The following PDE1B variants were observed in gnomAD, a reference collection of about 807,000 sequenced individuals.
PDE1B encodes the protein phosphodiesterase 1B.
Under a neutral mutation model 66.7 loss-of-function variants are expected in PDE1B, and 13 were observed. The ratio of observed to expected loss-of-function variants is 0.19; its 90% CI spans 0.13 to 0.31. PDE1B has a LOEUF of 0.31. PDE1B is among the 10% of genes least tolerant of loss of function. The pLI is 1.00. For synonymous variants in PDE1B, 230 were observed against 253.9 expected (o/e 0.91, Z 0.90); for missense variants, 485 against 682.3 (o/e 0.71, Z 3.22).
chr12:54,576,675 A>G lies in PDE1B; in HGVS notation c.1481A>G (p.Gln494Arg). ...TWVKRIQENK[Q>R]KWKERAASGI... ...GTCAAGCGCATTCAGGAGAATAAGC[A>G]GAAATGGAAGGAACGGGCAGCAAGT... The change falls in exon 14 of 16, where the codon CAG becomes CGG. Residue 494 changes from glutamine (Q) to arginine (R), a missense_variant. Around this residue, in one of 4 missense-constraint regions of PDE1B, gnomAD observed 126 missense variants for 133.8 expected, o/e 0.94. Transcript: ENST00000243052. 1 of 1,612,318 alleles carries G rather than the reference A, an allele frequency of 6.2e-7. No individual in the cohort carries two copies. Among genetic ancestry groups the G allele is most frequent in the Non-Finnish European group, 8.5e-7 (1 of 1,179,196 alleles).
chr12:54,572,538 T>C lies in PDE1B; in HGVS notation c.595-63T>C, dbSNP rs1451512501. 2.2e-5 allele frequency: 33 copies of C among 1,496,198 alleles called. 1 individual carries two copies. In the East Asian group the frequency reaches 7.5e-4, roughly 34 times the overall value. The allele number at this position is 1,496,198 out of a possible 1,614,324, so 92.7% of individuals were successfully genotyped here. A position where few individuals can be genotyped will look rare whatever the true frequency, so the allele number is the denominator to read the frequency against. On this transcript the variant is annotated intron_variant, in intron 6 of 15. Coordinates refer to ENST00000243052, the MANE Select transcript of PDE1B (RefSeq NM_000924.4). ...TTCTAAAGAAAGTTGTTGATCTCGG[T>C]CCGTAATCACCACCATTCCTGTGGA...
At chr12:54,560,455 C>T (rs1450180589) in intron 2 of PDE1B, among the ~76,000 whole-genome samples, 1 of 152,180 alleles carries the variant, frequency 6.6e-6, no homozygotes, top group Non-Finnish European at 1.5e-5. Context: ...TAAGAGATTG[C>T]AGATCCCTGA....
chr12:54,578,134 G>C lies in PDE1B; in HGVS notation c.*292G>C, dbSNP rs1957798222. On this transcript the variant is annotated 3_prime_UTR_variant, in exon 16 of 16. Transcript: ENST00000243052. ...TCTCTTCATGGCCAGGTGGCTGCCA[G>C]GGAGCGGGGAGCTTCCTGGAGGCTT... is the stretch of plus-strand genomic sequence containing the variant. 6.6e-6 allele frequency: 1 copy of C among 152,256 alleles called. No individual in the cohort carries two copies. The highest frequency in any genetic ancestry group is 1.5e-5 in the Non-Finnish European group (1 of 68,066). The allele number at this position is 152,256 out of a possible 1,614,324, so 9.4% of individuals were successfully genotyped here.
At position 54,576,043 on chromosome 12, in the gene PDE1B, C is replaced by T. The variant is rs752538299; in HGVS notation, c.1319C>T (p.Ala440Val). The change falls in exon 13 of 16, where the codon GCA becomes GTA. Residue 440 changes from alanine (A) to valine (V), a missense_variant. Physicochemically the swap from Ala to Val is moderately conservative, Grantham distance 64. Transcript: ENST00000243052. ...ACATTCTCTGTGCTGACTGACGTGGCAGAGAAGAGTGTTCAGCCCCTGGCG... is the reference window on the plus strand; with the variant it reads ...ACATTCTCTGTGCTGACTGACGTGGTAGAGAAGAGTGTTCAGCCCCTGGCG... ...EPTFSVLTDV[A>V]EKSVQPLADE... The T allele has an allele frequency of 1.9e-6, 3 of 1,614,092 alleles. No individual in the cohort carries two copies. Among genetic ancestry groups the T allele is most frequent in the South Asian group, 1.1e-5 (1 of 91,084 alleles).
At position 54,570,339 on chromosome 12, in the gene PDE1B, C is replaced by A; in HGVS notation, c.576C>A (p.Asn192Lys). The A allele has an allele frequency of 6.2e-7, 1 of 1,607,220 alleles. No individual in the cohort carries two copies. The highest frequency in any genetic ancestry group is 8.5e-7 in the Non-Finnish European group (1 of 1,173,778). Residue 192 changes from asparagine to lysine, a missense_variant, in exon 6 of 16, where the codon AAC becomes AAA. By Grantham distance (94) the Asn-to-Lys change is moderately conservative. Transcript: ENST00000243052. ...TTTTTGAGTTGCTGACTCGGCATAA[C>A]CTCATCAGCCGCTTCAAGGTTGGGC... is the stretch of plus-strand genomic sequence containing the variant. ...TIVFELLTRH[N>K]LISRFKIPTV...
chr12:54,573,326 G>A lies in PDE1B; in HGVS notation c.837-29G>A, dbSNP rs755685500. 2 of 1,614,122 alleles carry A rather than the reference G, an allele frequency of 1.2e-6. No homozygotes were observed. The highest frequency in any genetic ancestry group is 1.3e-5 in the African/African-American group (1 of 75,028). ...GTTGCCGGAGTCCCTCCTTACAGGG[G>A]GTGGTCATGATGACCTTTGGCTTTG... is the stretch of plus-strand genomic sequence containing the variant. On this transcript the variant is annotated intron_variant, in intron 8 of 15. Transcript: ENST00000243052. The surrounding 1 kb of genome is among the most constrained non-coding windows in gnomAD (Gnocchi z 5.2).
intron 2 of PDE1B, chr12:54,554,079 C>T (rs1957312974): frequency 6.6e-6 from 1 of 152,118 alleles, no homozygotes; most frequent in South Asian, 2.1e-4. Context: ...TGGGATAATA[C>T]CTATGTGTGA....
chr12:54,575,470 CCCA>C lies in PDE1B; in HGVS notation c.1186-76_1186-74del. 1.0e-6 allele frequency: 1 copy of C among 988,330 alleles called. No individual in the cohort carries two copies. The highest frequency in any genetic ancestry group is 1.3e-5 in the South Asian group (1 of 78,232). The allele number at this position is 988,330 out of a possible 1,614,324, so 61.2% of individuals were successfully genotyped here. A position where few individuals can be genotyped will look rare whatever the true frequency, so the allele number is the denominator to read the frequency against. On this transcript the variant is annotated intron_variant, in intron 11 of 15. Transcript: ENST00000243052. The surrounding 1 kb of genome is among the most constrained non-coding windows in gnomAD (Gnocchi z 4.0). The stretch of plus-strand genomic sequence containing the variant: ...AAATTTCACACAACAACCCCCCACC[CCCA>C]CCACTTGCCACCTGTACCCCAGATC...
chr12:54,575,495 G>T lies in PDE1B; in HGVS notation c.1186-56G>T. On this transcript the variant is annotated intron_variant, in intron 11 of 15. Transcript: ENST00000243052. This position sits in a 1 kb window ranked among gnomAD's most constrained non-coding sequence, Gnocchi z 4.0. ...CCCACCACTTGCCACCTGTACCCCA[G>T]ATCTGGTAGGTCTGAGGTATCCTCT... is the stretch of plus-strand genomic sequence containing the variant. The T allele has an allele frequency of 3.1e-6, 4 of 1,274,368 alleles. No individual in the cohort carries two copies. The highest frequency in any genetic ancestry group is 4.6e-6 in the Non-Finnish European group (4 of 871,524). 78.9% of individuals were successfully genotyped at this position (1,274,368 alleles called of 1,614,324 possible).
At chr12:54,566,401 A>G (rs550223957) in intron 2 of PDE1B, among the ~76,000 whole-genome samples, 16 of 152,352 alleles carry the variant, frequency 1.1e-4, no homozygotes, top group African/African-American at 3.8e-4. Flanking sequence ...GAGAGAGGCC[A>G]GGCGAAAGCA....
In PDE1B at chr12:54,572,716, G is replaced by C; in HGVS notation, c.710G>C (p.Cys237Ser). 1 of 1,614,160 alleles carries C rather than the reference G, an allele frequency of 6.2e-7. No individual in the cohort carries two copies. Among genetic ancestry groups the C allele is most frequent in the Non-Finnish European group, 8.5e-7 (1 of 1,180,012 alleles). The change falls in exon 7 of 16, where the codon TGC (cysteine) becomes TCC (serine). Residue 237 changes from cysteine (C) to serine (S), a missense_variant. By Grantham distance (112) the Cys-to-Ser change is moderately radical. Around this residue, in one of 4 missense-constraint regions of PDE1B, gnomAD observed 282 missense variants for 453.4 expected, o/e 0.62. Transcript: ENST00000243052. ...GCCGATGTTACCCAGACAGTCCATT[G>C]CTTCTTGCTCCGCACAGGGATGGTG... ...HAADVTQTVH[C>S]FLLRTGMVHC... is the part of the protein sequence containing the mutation.
At chr12:54,560,223 G>T (rs774057871) in intron 2 of PDE1B, among the ~76,000 whole-genome samples, 2 of 152,142 alleles carry the variant, frequency 1.3e-5, no homozygotes, top group African/African-American at 2.4e-5. Context: ...GAAACAGCAG[G>T]TTCCCAAACT....
Position 54,572,750 on chromosome 12 carries a change from C to T in PDE1B, c.735+9C>T, listed in dbSNP as rs895734298. On this transcript the variant is annotated intron_variant, in intron 7 of 15. Transcript: ENST00000243052. Reference sequence around the variant, plus strand: ...TCCGCACAGGGATGGTGGTAGGTGCCCTGGAGATGATTCTTCTGTGATTCA... The same window carrying T: ...TCCGCACAGGGATGGTGGTAGGTGCTCTGGAGATGATTCTTCTGTGATTCA... 6.2e-7 allele frequency: 1 copy of T among 1,613,230 alleles called. No individual in the cohort carries two copies. The highest frequency in any genetic ancestry group is 8.5e-7 in the Non-Finnish European group (1 of 1,179,288).
intron 3 of PDE1B, among the ~76,000 whole-genome samples, chr12:54,568,666 G>A (rs1460993568): frequency 1.3e-5 from 2 of 151,996 alleles, no homozygotes; most frequent in Non-Finnish European, 2.9e-5. Flanking sequence ...CGTGGTGGTA[G>A]GCACCTGTAA....
At chr12:54,567,911 C>T (rs990269951) in intron 3 of PDE1B, among the ~76,000 whole-genome samples, 1 of 151,874 alleles carries the variant, frequency 6.6e-6, no homozygotes, top group Non-Finnish European at 1.5e-5. Flanking sequence ...GGCTGAAGGG[C>T]AATGGTGTGA....
At position 54,573,956 on chromosome 12, in the gene PDE1B, T is replaced by C. The variant is rs1267559264; in HGVS notation, c.1064+247T>C. ...CCTTGGCAGCTGATCCACTGGAGAGTGCTTTGGGCTGGGAATCTAAGATGG... is the reference window on the plus strand; with the variant it reads ...CCTTGGCAGCTGATCCACTGGAGAGCGCTTTGGGCTGGGAATCTAAGATGG... On this transcript the variant is annotated intron_variant, in intron 10 of 15. Transcript: ENST00000243052. This position sits in a 1 kb window ranked among gnomAD's most constrained non-coding sequence, Gnocchi z 5.2. 1 of 513,148 alleles carries C rather than the reference T, an allele frequency of 1.9e-6. No individual in the cohort carries two copies. Among genetic ancestry groups the C allele is most frequent in the East Asian group, 3.3e-5 (1 of 29,858 alleles). 31.8% of individuals were successfully genotyped at this position (513,148 alleles called of 1,614,324 possible). A position where few individuals can be genotyped will look rare whatever the true frequency, so the allele number is the denominator to read the frequency against.
intron 6 of PDE1B, 51 bp downstream of exon 6, chr12:54,570,408 A>C: frequency 1.4e-5 from 14 of 1,004,232 alleles, no homozygotes; most frequent in African/African-American, 3.2e-5. Context: ...CACTCCTCTC[A>C]TGCCTGTTCT....
rs1323297928 is a variant in PDE1B, at chr12:54,578,483, CCT to C, written c.*644_*645del. The C allele has an allele frequency of 1.3e-5, 2 of 152,330 alleles. No homozygotes were observed. The highest frequency in any genetic ancestry group is 2.9e-5 in the Non-Finnish European group (2 of 68,152). 9.4% of individuals were successfully genotyped at this position (152,330 alleles called of 1,614,324 possible). ...GCTTCAGCCCCATCTCCAGCCTGATCCTCTGAATCTTCCTTCCCTCCCTTTCT... is the reference window on the plus strand; with the variant it reads ...GCTTCAGCCCCATCTCCAGCCTGATCCTGAATCTTCCTTCCCTCCCTTTCT... On this transcript the variant is annotated 3_prime_UTR_variant, in exon 16 of 16. Transcript: ENST00000243052.
chr12:54,575,674 G>T lies in PDE1B; in HGVS notation c.1267+42G>T. On this transcript the variant is annotated intron_variant, in intron 12 of 15. Transcript: ENST00000243052. The surrounding 1 kb of genome is among the most constrained non-coding windows in gnomAD (Gnocchi z 4.0). ...GCAGGAAGGGGAGGACTGGGAGGGG[G>T]AAAAGATGCTGCCTGGGTCAGGATT... is the stretch of plus-strand genomic sequence containing the variant. 7.4e-7 allele frequency: 1 copy of T among 1,348,136 alleles called. No individual in the cohort carries two copies. The allele number at this position is 1,348,136 out of a possible 1,614,324, so 83.5% of individuals were successfully genotyped here. A position where few individuals can be genotyped will look rare whatever the true frequency, so the allele number is the denominator to read the frequency against.
Sources: gnomAD v4.1 joint callset for allele counts (sites outside exome capture counted in the v4.1 genomes callset) on GRCh38, gnomAD v4.1.1 for gene constraint, gnomAD v4.1.1 regional missense constraint, Gnocchi (gnomAD v3.1) non-coding constraint, MANE v1.5 for transcripts, NCBI Gene and HGNC (gene_info 2026-07-23, HGNC 2026-07-21) for gene names.